The following LTBP2 variants were observed in gnomAD, a reference collection of about 807,000 sequenced individuals.
LTBP2 encodes latent transforming growth factor beta binding protein 2.
In LTBP2, 103 loss-of-function variants were observed where a neutral mutation model predicts 210.6. The observed-to-expected ratio is 0.49, with a 90% CI of 0.42 to 0.58. LTBP2 has a LOEUF of 0.58. LTBP2 is among the 20% of genes least tolerant of loss of function. The pLI is 0.00. For missense variants in LTBP2, 2,313 were observed against 2,494.5 expected, an observed-to-expected ratio of 0.93 and a Z score of 1.55; for synonymous variants, 1,007 against 1,015.0, an observed-to-expected ratio of 0.99 and a Z score of 0.15.
At chr14:74,525,001 G>A in intron 15 of LTBP2, 123 bp downstream of exon 15, 3 of 489,294 alleles carry the variant, frequency 6.1e-6, no homozygotes, top group Non-Finnish European at 1.1e-5. Flanking sequence ...GCCTGCTGGG[G>A]ACTTTACCTA....
intron 3 of LTBP2, among the ~76,000 whole-genome samples, 162 bp downstream of exon 3, chr14:74,585,692 A>G (rs1051540060): frequency 6.6e-6 from 1 of 152,162 alleles, no homozygotes; most frequent in South Asian, 2.1e-4. Context: ...TCTCCTGCTC[A>G]TATCTCTGGC....
chr14:74,542,571 C>T (rs576325750), intron 8 of LTBP2, among the ~76,000 whole-genome samples: 20 of 152,316 alleles, frequency 1.3e-4, no homozygotes, highest in African/African-American at 4.1e-4. Flanking sequence ...CGAGGCCAAG[C>T]TCAGTGACAC....
chr14:74,521,832 G>T, intron 17 of LTBP2, 79 bp downstream of exon 17: 1 of 1,582,118 alleles, frequency 6.3e-7, no homozygotes, highest in Non-Finnish European at 8.7e-7. Flanking sequence ...ACGGTGTTTG[G>T]GGGTGTGAAC....
At chr14:74,539,623 T>G (rs996615950) in intron 8 of LTBP2, among the ~76,000 whole-genome samples, 11 of 152,038 alleles carry the variant, frequency 7.2e-5, no homozygotes, top group Non-Finnish European at 1.2e-4. Context: ...GGAGGATCAC[T>G]TGAGCCTGGG....
chr14:74,597,855 C>T (rs758312477), intron 2 of LTBP2, among the ~76,000 whole-genome samples: 6 of 152,178 alleles, frequency 3.9e-5, no homozygotes, highest in Non-Finnish European at 8.8e-5. Context: ...TGAGACTTTC[C>T]TGGCTCCTGG....
At chr14:74,604,164 C>CAAAAAAAAAAAA (rs59313477) in intron 1 of LTBP2, among the ~76,000 whole-genome samples, 7 of 72,734 alleles carry the variant, frequency 9.6e-5, no homozygotes, top group African/African-American at 5.2e-4. Context: ...TGCCTCTCAC[C>CAAAAAAAAAAAA]AAAAAAAAAA....
intron 19 of LTBP2, among the ~76,000 whole-genome samples, chr14:74,510,903 A>G (rs1319540761): frequency 1.3e-5 from 2 of 152,076 alleles, no homozygotes; most frequent in Non-Finnish European, 2.9e-5. Flanking sequence ...AGAGCAGGAG[A>G]CCCTTCCTCC....
In LTBP2 at chr14:74,522,042, G is replaced by A; in HGVS notation, c.2660-3C>T. On this transcript the variant is annotated splice_region_variant and splice_polypyrimidine_tract_variant and intron_variant, in intron 16 of 35. Transcript: ENST00000261978. ...GTCCCTCAGACACTCGTTGTCATCTGACCAGAAGAAGGCAGGGAGGGAGGT... is the reference window on the plus strand; with the variant it reads ...GTCCCTCAGACACTCGTTGTCATCTAACCAGAAGAAGGCAGGGAGGGAGGT... 16 of 1,612,000 alleles carry A rather than the reference G, an allele frequency of 9.9e-6. No homozygotes were observed. The highest frequency in any genetic ancestry group is 1.4e-5 in the Non-Finnish European group (16 of 1,179,018).
At chr14:74,532,607 G>A in intron 9 of LTBP2, 59 bp from the exon 10 acceptor site, 2 of 1,596,044 alleles carry the variant, frequency 1.3e-6, no homozygotes, top group African/African-American at 1.3e-5. Context: ...TGGAGCAGAG[G>A]GGCTGGGCAG....
chr14:74,550,930 A>T, intron 7 of LTBP2, 134 bp downstream of exon 7: 1 of 1,188,854 alleles, frequency 8.4e-7, no homozygotes, highest in Non-Finnish European at 1.2e-6. Context: ...GGGTTTTCCC[A>T]TCTGGGAAAT....
At chr14:74,535,633 C>T (rs2087410298) in intron 9 of LTBP2, among the ~76,000 whole-genome samples, 1 of 152,192 alleles carries the variant, frequency 6.6e-6, no homozygotes, top group Non-Finnish European at 1.5e-5. Context: ...CTGGGGTGGC[C>T]CCTTCAGACA....
In LTBP2 at chr14:74,551,150, C is replaced by T. The variant is rs1255472409; in HGVS notation, c.1600G>A (p.Gly534Arg). ...GGGGGCAGTGGCCGAGGGGGCTCTC[C>T]AGACCGAGCAGGGATGTTGTTGCTG... ...WDSNNIPARS[G>R]EPPRPLPPAA... The change falls in exon 7 of 36, where the codon GGA becomes AGA. Residue 534 changes from glycine to arginine, a missense_variant. By Grantham distance (125) the Gly-to-Arg change is moderately radical. Transcript: ENST00000261978. The T allele has an allele frequency of 6.2e-7, 1 of 1,613,802 alleles. No individual in the cohort carries two copies. The highest frequency in any genetic ancestry group is 8.5e-7 in the Non-Finnish European group (1 of 1,180,024).
intron 3 of LTBP2, among the ~76,000 whole-genome samples, chr14:74,570,641 T>C (rs2087963134): frequency 6.6e-6 from 1 of 152,206 alleles, no homozygotes; most frequent in Admixed American, 6.5e-5. Context: ...ATTTTTTTAT[T>C]TACTTGATTA....
intron 3 of LTBP2, among the ~76,000 whole-genome samples, chr14:74,570,467 C>A (rs571892352): frequency 6.3e-4 from 96 of 152,312 alleles, no homozygotes; most frequent in African/African-American, 2.2e-3. Context: ...AAAGTCCCAG[C>A]CTGCCCTTTC....
intron 8 of LTBP2, among the ~76,000 whole-genome samples, chr14:74,536,467 T>C (rs907098050): frequency 1.3e-5 from 2 of 152,230 alleles, no homozygotes; most frequent in Non-Finnish European, 2.9e-5. Context: ...AGATTTTAAG[T>C]GTTCTCACCA....
intron 19 of LTBP2, among the ~76,000 whole-genome samples, chr14:74,510,679 C>T (rs12898083): frequency 0.6 from 91,598 of 152,096 alleles, 27,790 homozygotes; most frequent in East Asian, 0.74. Flanking sequence ...AGTGGCAGCC[C>T]TGAGGGCCTG....
At chr14:74,592,968 G>C (rs186604306) in intron 2 of LTBP2, among the ~76,000 whole-genome samples, 1 of 152,082 alleles carries the variant, frequency 6.6e-6, no homozygotes, top group African/African-American at 2.4e-5. Context: ...CCCCTGGCCC[G>C]CTCTTCACTG....
At chr14:74,501,707 G>A (rs2086913426) in intron 34 of LTBP2, 117 bp from the exon 35 acceptor site, 2 of 1,267,272 alleles carry the variant, frequency 1.6e-6, no homozygotes, top group Non-Finnish European at 1.1e-6. Context: ...TGGGGGTGGG[G>A]GCAGAGAGGA....
intron 8 of LTBP2, among the ~76,000 whole-genome samples, chr14:74,538,779 G>T (rs1199723598): frequency 6.6e-6 from 1 of 152,246 alleles, no homozygotes; most frequent in East Asian, 1.9e-4. Context: ...TGCCAGGACT[G>T]GCCCGCTCCG....
Sources: gnomAD v4.1 joint callset for allele counts (sites outside exome capture counted in the v4.1 genomes callset) on GRCh38, gnomAD v4.1.1 for gene constraint, MANE v1.5 for transcripts, NCBI Gene and HGNC (gene_info 2026-07-23, HGNC 2026-07-21) for gene names.